POMK: variants seen among roughly 807,000 people sequenced by gnomAD.
POMK encodes Sugen kinase 196.
Under a neutral mutation model 23.0 loss-of-function variants are expected in POMK, and 19 were observed. The ratio of observed to expected loss-of-function variants is 0.83; its 90% CI spans 0.58 to 1.21. POMK has a LOEUF of 1.21. POMK is among the 50% of genes most tolerant of loss of function. POMK has a pLI of 0.00. For synonymous variants in POMK, 173 were observed against 171.6 expected, an observed-to-expected ratio of 1.01 and a Z score of -0.06; for missense variants, 410 against 431.3, an observed-to-expected ratio of 0.95 and a Z score of 0.44.
chr8:43,121,576 G>A (rs1290960454), intron 4 of POMK, among the ~76,000 whole-genome samples: 2 of 152,168 alleles, frequency 1.3e-5, no homozygotes, highest in Admixed American at 6.5e-5. Flanking sequence ...ATTGTTACAC[G>A]TGATGGGCAG....
chr8:43,122,942 A>G lies in POMK; in HGVS notation c.*65A>G. 3 of 1,432,492 alleles carry G rather than the reference A, an allele frequency of 2.1e-6. No homozygotes were observed. Among genetic ancestry groups the G allele is most frequent in the Non-Finnish European group, 1.9e-6 (2 of 1,067,354 alleles). The allele number at this position is 1,432,492 out of a possible 1,614,324, so 88.7% of individuals were successfully genotyped here. On this transcript the variant is annotated 3_prime_UTR_variant, in exon 5 of 5. Coordinates refer to ENST00000331373, the MANE Select transcript of POMK (RefSeq NM_032237.5). ...ATGGAAGTTACAGCATTCTACTCTG[A>G]TGGTGGAGTTTTTTGCCTGAGTTTC...
intron 4 of POMK, among the ~76,000 whole-genome samples, chr8:43,105,017 ACT>A (rs1446998805): frequency 3.3e-5 from 5 of 152,128 alleles, no homozygotes; most frequent in African/African-American, 1.2e-4. Flanking sequence ...TGTTTTTCAA[ACT>A]CTGTGATGGT....
At position 43,122,089 on chromosome 8, in the gene POMK, T is replaced by C. The variant is rs2130626159; in HGVS notation, c.283-18T>C. The C allele has an allele frequency of 6.2e-7, 1 of 1,611,684 alleles. No individual in the cohort carries two copies. Among genetic ancestry groups the C allele is most frequent in the Non-Finnish European group, 8.5e-7 (1 of 1,178,686 alleles). On this transcript the variant is annotated intron_variant, in intron 4 of 4. Coordinates refer to ENST00000331373, the MANE Select transcript of POMK (RefSeq NM_032237.5). ...AGGTGAGAGTTCAGGCCTGATGCTC[T>C]CTATGGCTTTGTTGCAGGTCTTTCT...
intron 4 of POMK, among the ~76,000 whole-genome samples, chr8:43,116,755 G>A (rs117801841): frequency 0.015 from 2,308 of 152,264 alleles, 31 homozygotes; most frequent in Non-Finnish European, 0.022. Context: ...TTGGTTAACT[G>A]TACTTTATAT....
chr8:43,099,432 C>G (rs907848308), intron 2 of POMK, among the ~76,000 whole-genome samples: 1 of 152,226 alleles, frequency 6.6e-6, no homozygotes, highest in Non-Finnish European at 1.5e-5. Flanking sequence ...TGAGCTCTCC[C>G]AGGGAGTGTG....
chr8:43,095,723 G>T (rs1481950156), intron 1 of POMK, among the ~76,000 whole-genome samples: 1 of 152,162 alleles, frequency 6.6e-6, no homozygotes, highest in East Asian at 1.9e-4. Flanking sequence ...CAAAACTCTG[G>T]CAAGAGGCTC....
intron 4 of POMK, among the ~76,000 whole-genome samples, chr8:43,111,168 C>T (rs1047574258): frequency 6.6e-6 from 1 of 152,160 alleles, no homozygotes; most frequent in Non-Finnish European, 1.5e-5. Context: ...AGTCCCTTTT[C>T]TAGTCAAAGA....
Position 43,122,290 on chromosome 8 carries a change from TC to T in POMK, c.468del (p.Leu157Ter), listed in dbSNP as rs745980127. 10 of 1,614,072 alleles carry T rather than the reference TC, an allele frequency of 6.2e-6. No homozygotes were observed. The highest frequency in any genetic ancestry group is 8.5e-6 in the Non-Finnish European group (10 of 1,180,030). On this transcript the variant is annotated frameshift_variant, in exon 5 of 5. Transcript: ENST00000331373. LOFTEE classifies it high-confidence loss of function. ...TMLTEYHPLG[S>X]LSNLEETLNL... Reference sequence around the variant, plus strand: ...GCTTACTGAATATCACCCTCTAGGTTCCTTGAGTAACCTGGAAGAAACACTA... The same window carrying T: ...GCTTACTGAATATCACCCTCTAGGTTCTTGAGTAACCTGGAAGAAACACTA...
Position 43,103,751 on chromosome 8 carries a change from G to A in POMK, c.203G>A (p.Cys68Tyr). 1 of 1,614,220 alleles carries A rather than the reference G, an allele frequency of 6.2e-7. No homozygotes were observed. The highest frequency in any genetic ancestry group is 8.5e-7 in the Non-Finnish European group (1 of 1,180,042). The change falls in exon 4 of 5, where the codon TGC (cysteine) becomes TAC (tyrosine). Residue 68 changes from cysteine to tyrosine, a missense_variant. Transcript: ENST00000331373. ...GHFRIGQMKN[C>Y]SPWLSCEELR... ...TTCAGGATAGGACAGATGAAAAACT[G>A]CTCACCTTGGCTGTCCTGCGAGGAG...
chr8:43,120,834 C>T (rs976052441), intron 4 of POMK, among the ~76,000 whole-genome samples: 8 of 152,150 alleles, frequency 5.3e-5, no homozygotes, highest in East Asian at 1.9e-4. Context: ...TGCACCACCA[C>T]GCCTGGCTAA....
intron 4 of POMK, among the ~76,000 whole-genome samples, chr8:43,121,787 C>T (rs554125135): frequency 1.6e-4 from 25 of 152,350 alleles, no homozygotes; most frequent in African/African-American, 6.0e-4. Context: ...ATTGAATCTG[C>T]AGGTCCCCCT....
At chr8:43,097,071 T>C (rs981282369) in intron 1 of POMK, among the ~76,000 whole-genome samples, 1 of 152,224 alleles carries the variant, frequency 6.6e-6, no homozygotes, top group Admixed American at 6.5e-5. Flanking sequence ...TGAGACTCCA[T>C]GTCTTAAGTA....
intron 3 of POMK, 47 bp from the exon 4 acceptor site, chr8:43,103,481 A>G (rs1811483275): frequency 6.4e-7 from 1 of 1,571,410 alleles, no homozygotes; most frequent in Non-Finnish European, 8.7e-7. Flanking sequence ...AAATGAAAGG[A>G]AGTGAAAGCT....
At chr8:43,118,300 C>T (rs11984488) in intron 4 of POMK, among the ~76,000 whole-genome samples, 7,213 of 152,140 alleles carry the variant, frequency 0.047, 336 homozygotes, top group African/African-American at 0.12. Context: ...GAAAAAAGAG[C>T]TGCAATGTAT....
intron 4 of POMK, among the ~76,000 whole-genome samples, chr8:43,108,584 CAA>C (rs998145261): frequency 1.3e-5 from 2 of 152,118 alleles, no homozygotes; most frequent in Non-Finnish European, 2.9e-5. Flanking sequence ...GCATTTTAAA[CAA>C]AAAGGTTACT....
intron 4 of POMK, among the ~76,000 whole-genome samples, chr8:43,115,459 C>T (rs1236078120): frequency 6.6e-6 from 1 of 152,212 alleles, no homozygotes; most frequent in East Asian, 1.9e-4. Flanking sequence ...ATCAGTCCTG[C>T]TGTTCTGGCC....
At chr8:43,117,848 T>C (rs1279952183) in intron 4 of POMK, among the ~76,000 whole-genome samples, 2 of 152,192 alleles carry the variant, frequency 1.3e-5, no homozygotes, top group East Asian at 3.8e-4. Context: ...TAGCACAGAC[T>C]TTGGAGGGTA....
intron 4 of POMK, among the ~76,000 whole-genome samples, chr8:43,106,651 A>G (rs1049512732): frequency 6.6e-6 from 1 of 151,454 alleles, no homozygotes; most frequent in South Asian, 2.1e-4. Context: ...CTGGGATTAC[A>G]GGCGCCCACC....
At chr8:43,099,276 G>GT (rs958292958) in intron 2 of POMK, among the ~76,000 whole-genome samples, 17 of 152,020 alleles carry the variant, frequency 1.1e-4, no homozygotes, top group African/African-American at 2.2e-4. Flanking sequence ...AAATTGAGTT[G>GT]TTTTTTTTGA....
Sources: gnomAD v4.1 joint callset for allele counts (sites outside exome capture counted in the v4.1 genomes callset) on GRCh38, gnomAD v4.1.1 for gene constraint, MANE v1.5 for transcripts, NCBI Gene and HGNC (gene_info 2026-07-23, HGNC 2026-07-21) for gene names.